ARL15: variants seen among roughly 807,000 people sequenced by gnomAD.
ARL15 encodes the protein ARF like GTPase 15.
Under a neutral mutation model 25.2 loss-of-function variants are expected in ARL15, and 19 were observed. The observed-to-expected ratio is 0.75, with a 90% confidence interval of 0.53 to 1.10. The LOEUF is 1.10. ARL15 is among the 50% of genes least tolerant of loss of function. The pLI, the probability that ARL15 is intolerant of heterozygous loss-of-function variation, is 0.00. For synonymous variants in ARL15, 94 were observed against 86.8 expected, an observed-to-expected ratio of 1.08 and a Z score of -0.46; for missense variants, 220 against 246.0, an observed-to-expected ratio of 0.89 and a Z score of 0.71.
At chr5:54,004,765 A>T (rs1748965046) in intron 4 of ARL15, among the ~76,000 whole-genome samples, 1 of 150,778 alleles carries the variant, frequency 6.6e-6, no homozygotes, top group African/African-American at 2.5e-5. Flanking sequence ...ATCTGCGATT[A>T]CATGTGATTT....
At chr5:54,090,056 C>G (rs1312967358) in intron 4 of ARL15, among the ~76,000 whole-genome samples, 1 of 152,138 alleles carries the variant, frequency 6.6e-6, no homozygotes, top group Non-Finnish European at 1.5e-5. Context: ...CCCTATAACT[C>G]TTTCTATTCT....
intron 4 of ARL15, among the ~76,000 whole-genome samples, chr5:54,102,206 T>G (rs2112181290): frequency 6.6e-6 from 1 of 152,178 alleles, no homozygotes; most frequent in East Asian, 1.9e-4. Flanking sequence ...GAGAATGGGT[T>G]TCACCATGTC....
At chr5:54,113,869 A>C (rs1334795212) in intron 3 of ARL15, among the ~76,000 whole-genome samples, 1 of 152,150 alleles carries the variant, frequency 6.6e-6, no homozygotes, top group Non-Finnish European at 1.5e-5. Flanking sequence ...TTTTAACAGA[A>C]CTGCTTGCTG....
chr5:54,004,488 G>A (rs1189367892), intron 4 of ARL15, among the ~76,000 whole-genome samples: 8 of 118,488 alleles, frequency 6.8e-5, no homozygotes, highest in Non-Finnish European at 5.2e-5. Flanking sequence ...GAGCAAGACT[G>A]TGTCTCAAAA....
intron 4 of ARL15, among the ~76,000 whole-genome samples, chr5:53,892,839 C>T (rs1207037862): frequency 6.6e-6 from 1 of 152,158 alleles, no homozygotes; most frequent in African/African-American, 2.4e-5. Context: ...CTCCTGGCCT[C>T]AAGTGATCCT....
chr5:54,056,121 C>T (rs1385357765), intron 4 of ARL15, among the ~76,000 whole-genome samples: 1 of 152,296 alleles, frequency 6.6e-6, no homozygotes, highest in African/African-American at 2.4e-5. Flanking sequence ...TCTGGGTTCA[C>T]ATACGAGTTC....
chr5:54,067,792 T>C (rs772079497), intron 4 of ARL15, among the ~76,000 whole-genome samples: 2 of 152,204 alleles, frequency 1.3e-5, no homozygotes, highest in Non-Finnish European at 2.9e-5. Flanking sequence ...TATAAAATCA[T>C]ACCATGTGCT....
At chr5:54,018,364 C>CATAG (rs1749491428) in intron 4 of ARL15, among the ~76,000 whole-genome samples, 1 of 152,108 alleles carries the variant, frequency 6.6e-6, no homozygotes, top group Non-Finnish European at 1.5e-5. Context: ...GGATTGCAGA[C>CATAG]ATAGATGGTG....
intron 2 of ARL15, among the ~76,000 whole-genome samples, chr5:54,157,522 C>T (rs1329177854): frequency 2.0e-5 from 3 of 152,182 alleles, no homozygotes; most frequent in Admixed American, 6.5e-5. Flanking sequence ...CGCCATTCTC[C>T]TGCCTCAGCC....
At chr5:54,294,853 C>A (rs1042705901) in intron 1 of ARL15, among the ~76,000 whole-genome samples, 2 of 152,188 alleles carry the variant, frequency 1.3e-5, no homozygotes, top group African/African-American at 4.8e-5. Context: ...GATAAATAAT[C>A]TTTCCCTCAG....
At chr5:54,233,120 T>C (rs2112559211) in intron 1 of ARL15, among the ~76,000 whole-genome samples, 1 of 152,310 alleles carries the variant, frequency 6.6e-6, no homozygotes, top group African/African-American at 2.4e-5. Flanking sequence ...AAAAATGGCC[T>C]TGATGAAGCA....
intron 4 of ARL15, chr5:53,951,510 G>T (rs149830925): frequency 2.1e-6 from 1 of 471,234 alleles, no homozygotes; most frequent in Admixed American, 2.4e-5. Context: ...GTCTGCAGGT[G>T]GTTCTGTGTA....
intron 4 of ARL15, among the ~76,000 whole-genome samples, chr5:54,006,448 A>C (rs1268846477): frequency 6.6e-6 from 1 of 151,726 alleles, no homozygotes; most frequent in African/African-American, 2.4e-5. Flanking sequence ...TTTACAAAAC[A>C]GTGTGTTCTC....
intron 4 of ARL15, among the ~76,000 whole-genome samples, chr5:54,062,792 A>G (rs1751108904): frequency 6.6e-6 from 1 of 152,196 alleles, no homozygotes; most frequent in Non-Finnish European, 1.5e-5. Context: ...TTAACAGAAA[A>G]CATGAGCTGA....
At chr5:53,924,260 TCTTTTA>T (rs1745949941) in intron 4 of ARL15, among the ~76,000 whole-genome samples, 1 of 152,342 alleles carries the variant, frequency 6.6e-6, no homozygotes, top group Non-Finnish European at 1.5e-5. Context: ...TTTGGTGTTG[TCTTTTA>T]CTTTTATTAG....
In ARL15 at chr5:54,135,148, G is replaced by A. The variant is rs143818115; in HGVS notation, c.253+19432C>T. ...TTAATAGAGATATAAGTAATGTCTG[G>A]TACTTGGAATAAAAAAAAAATCAGC... On this transcript the variant is annotated intron_variant, in intron 3 of 4. Transcript: ENST00000504924. Among the ~76,000 whole-genome samples, 834 of 152,014 alleles carry A rather than the reference G, an allele frequency of 5.5e-3. 6 individuals carry two copies. Among genetic ancestry groups the A allele is most frequent in the African/African-American group, 0.019 (799 of 41,352 alleles).
intron 4 of ARL15, among the ~76,000 whole-genome samples, chr5:54,061,707 A>G (rs1178609158): frequency 3.9e-5 from 6 of 152,240 alleles, no homozygotes; most frequent in African/African-American, 1.4e-4. Context: ...GAAGTTTGCT[A>G]CAGGGGCAGG....
intron 3 of ARL15, among the ~76,000 whole-genome samples, chr5:54,151,828 G>A (rs278066): frequency 0.21 from 31,597 of 151,862 alleles, 4,006 homozygotes; most frequent in East Asian, 0.68. Flanking sequence ...AGGTTTATGC[G>A]CTTCCCTATT....
intron 1 of ARL15, among the ~76,000 whole-genome samples, chr5:54,297,667 A>T (rs759650141): frequency 6.6e-6 from 1 of 152,146 alleles, no homozygotes; most frequent in Non-Finnish European, 1.5e-5. Context: ...GCAGTCTTCA[A>T]TTCACACCCC....
Sources: gnomAD v4.1 joint callset for allele counts (sites outside exome capture counted in the v4.1 genomes callset) on GRCh38, gnomAD v4.1.1 for gene constraint, MANE v1.5 for transcripts, NCBI Gene and HGNC (gene_info 2026-07-23, HGNC 2026-07-21) for gene names.